Variants in CRTC1 observed in about 807,000 individuals in gnomAD.
CRTC1 encodes the protein CREB-regulated transcription coactivator 1.
Under a neutral mutation model 66.1 loss-of-function variants are expected in CRTC1, and 18 were observed. The observed-to-expected ratio is 0.27, with a 90% CI of 0.19 to 0.40. The LOEUF (loss-of-function observed/expected upper bound fraction) is 0.40, where lower values mean the gene tolerates loss of function less well. Among genes scored for constraint, CRTC1 ranks in the 10% least tolerant of loss-of-function variants. CRTC1 has a pLI of 1.00. For synonymous variants in CRTC1, 416 were observed against 398.8 expected (o/e 1.04, Z -0.51); for missense variants, 669 against 887.9 (o/e 0.75, Z 3.13).
chr19:18,708,235 A>C (rs4808149), intron 1 of CRTC1, among the ~76,000 whole-genome samples: 9 of 151,814 alleles, frequency 5.9e-5, no homozygotes, highest in Non-Finnish European at 1.3e-4. Flanking sequence ...GCCAAGCTGG[A>C]GAGCTTGGAC....
chr19:18,694,561 T>G (rs1265253723), intron 1 of CRTC1, among the ~76,000 whole-genome samples: 1 of 152,106 alleles, frequency 6.6e-6, no homozygotes, highest in Non-Finnish European at 1.5e-5. Context: ...GCCCCCTGAG[T>G]AGCTGGGACC....
intron 7 of CRTC1, 147 bp downstream of exon 7, chr19:18,759,738 C>A (rs1568530691): frequency 1.1e-6 from 1 of 925,950 alleles, no homozygotes; most frequent in Non-Finnish European, 1.6e-6. Context: ...CCCCCACATG[C>A]CCACCCCTCA....
intron 1 of CRTC1, among the ~76,000 whole-genome samples, chr19:18,714,773 A>AC (rs1377455557): frequency 2.6e-5 from 4 of 151,628 alleles, no homozygotes; most frequent in African/African-American, 4.9e-5. Context: ...AATGTTGATG[A>AC]CCCCCGGGGA....
At chr19:18,696,712 C>G (rs2052996921) in intron 1 of CRTC1, among the ~76,000 whole-genome samples, 1 of 152,126 alleles carries the variant, frequency 6.6e-6, no homozygotes, top group Non-Finnish European at 1.5e-5. Flanking sequence ...AGTGCATGTA[C>G]TGGGGGAGTG....
chr19:18,753,140 G>A (rs1262490279), intron 5 of CRTC1, among the ~76,000 whole-genome samples: 3 of 151,928 alleles, frequency 2.0e-5, no homozygotes, highest in South Asian at 2.1e-4. Context: ...GCCTGGCATC[G>A]TGGCGGGCAC....
At chr19:18,700,399 C>G (rs1033746519) in intron 1 of CRTC1, among the ~76,000 whole-genome samples, 1 of 152,172 alleles carries the variant, frequency 6.6e-6, no homozygotes, top group Admixed American at 6.5e-5. Flanking sequence ...TGGGGGCTCT[C>G]GGCAAGGGGG....
Position 18,777,555 on chromosome 19 carries a change from G to A in CRTC1, c.*173G>A, listed in dbSNP as rs917477386. On this transcript the variant is annotated 3_prime_UTR_variant, in exon 14 of 14. Coordinates refer to ENST00000321949, the MANE Select transcript of CRTC1 (RefSeq NM_015321.3). This position sits in a 1 kb window ranked among gnomAD's most constrained non-coding sequence, Gnocchi z 5.5. ...TGTCCACCTCCCGCGAAGCCCAATC[G>A]CGAGGCCGCGAGCCGGGCCGTCCAC... 1.8e-5 allele frequency: 11 copies of A among 613,576 alleles called. No homozygotes were observed. Among genetic ancestry groups the A allele is most frequent in the Admixed American group, 6.3e-5 (2 of 31,942 alleles). 38.0% of individuals were successfully genotyped at this position (613,576 alleles called of 1,614,324 possible). A position where few individuals can be genotyped will look rare whatever the true frequency, so the allele number is the denominator to read the frequency against.
intron 1 of CRTC1, among the ~76,000 whole-genome samples, chr19:18,685,988 G>A (rs1397677364): frequency 6.6e-6 from 1 of 152,098 alleles, no homozygotes; most frequent in African/African-American, 2.4e-5. Flanking sequence ...GTACAGTTTG[G>A]TGGTTTTTAG....
chr19:18,684,924 G>C (rs1366342602), intron 1 of CRTC1, among the ~76,000 whole-genome samples: 4 of 152,142 alleles, frequency 2.6e-5, no homozygotes, highest in African/African-American at 9.7e-5. Context: ...CTTGGGGCAG[G>C]GTGGTGAGCA....
At chr19:18,729,843 G>A (rs2053846274) in intron 1 of CRTC1, among the ~76,000 whole-genome samples, 1 of 152,174 alleles carries the variant, frequency 6.6e-6, no homozygotes, top group African/African-American at 2.4e-5. Context: ...CAGAGGTGGT[G>A]TCCACACTCC....
Position 18,683,840 on chromosome 19 carries a change from G to T in CRTC1, c.126+12G>T. On this transcript the variant is annotated intron_variant, in intron 1 of 13. Coordinates refer to ENST00000321949, the MANE Select transcript of CRTC1 (RefSeq NM_015321.3). ...CGCGGGCCGCGCGGGTAAGGGGGCT[G>T]CCCGCGCCGACCCTTCAGGGCCGGC... The T allele has an allele frequency of 1.6e-6, 2 of 1,233,692 alleles. No homozygotes were observed. Among genetic ancestry groups the T allele is most frequent in the Non-Finnish European group, 2.1e-6 (2 of 956,374 alleles). 76.4% of individuals were successfully genotyped at this position (1,233,692 alleles called of 1,614,324 possible). A position where few individuals can be genotyped will look rare whatever the true frequency, so the allele number is the denominator to read the frequency against.
At chr19:18,762,434 C>T (rs1445297588) in intron 8 of CRTC1, among the ~76,000 whole-genome samples, 1 of 152,236 alleles carries the variant, frequency 6.6e-6, no homozygotes, top group African/African-American at 2.4e-5. Context: ...CCCTGGCACA[C>T]ACGAAGGTGG....
At chr19:18,726,315 G>A (rs778700578) in intron 1 of CRTC1, among the ~76,000 whole-genome samples, 1 of 152,184 alleles carries the variant, frequency 6.6e-6, no homozygotes, top group Non-Finnish European at 1.5e-5. Flanking sequence ...TTCACCCCTC[G>A]GTCCCCGGGG....
intron 1 of CRTC1, among the ~76,000 whole-genome samples, chr19:18,734,748 G>C (rs2053962190): frequency 6.6e-6 from 1 of 152,184 alleles, no homozygotes; most frequent in Admixed American, 6.5e-5. Context: ...TCCAAGCTGT[G>C]TTCCCACACA....
rs551285080 is a variant in CRTC1 at position 18,758,676 on chromosome 19, A to C, written c.625-875A>C. 2.0e-5 allele frequency among the ~76,000 whole-genome samples: 3 copies of C among 152,346 alleles called. No individual in the cohort carries two copies. The South Asian group carries it at 6.2e-4, about 32-fold the overall frequency. The stretch of plus-strand genomic sequence containing the variant: ...AGTCACATGTCTAGGTCTCTGCTGC[A>C]AAGCTGGTCAGCCCCAAGACAGGGG... On this transcript the variant is annotated intron_variant, in intron 6 of 13. Coordinates refer to ENST00000321949, the MANE Select transcript of CRTC1 (RefSeq NM_015321.3).
In CRTC1 at chr19:18,771,357, T is replaced by C; in HGVS notation, c.1321-85T>C. The C allele has an allele frequency of 8.4e-7, 1 of 1,183,750 alleles. No homozygotes were observed. The highest frequency in any genetic ancestry group is 1.2e-6 in the Non-Finnish European group (1 of 836,864). 73.3% of individuals were successfully genotyped at this position (1,183,750 alleles called of 1,614,324 possible). On this transcript the variant is annotated intron_variant, in intron 10 of 13. Transcript: ENST00000321949. This position sits in a 1 kb window ranked among gnomAD's most constrained non-coding sequence, Gnocchi z 4.6. ...GGGGCGGGGGGACCTGCCTGGGGGC[T>C]GATCAGGCTGCTCCCGGGAAGCAGG...
chr19:18,702,047 C>T (rs1052919853), intron 1 of CRTC1, among the ~76,000 whole-genome samples: 1 of 151,726 alleles, frequency 6.6e-6, no homozygotes, highest in Non-Finnish European at 1.5e-5. Context: ...TCTCAGCCTC[C>T]CGAGTAGCTG....
intron 5 of CRTC1, 22 bp from the exon 6 acceptor site, chr19:18,753,478 T>C (rs1268259962): frequency 6.4e-7 from 1 of 1,568,566 alleles, no homozygotes; most frequent in Non-Finnish European, 8.7e-7. Flanking sequence ...TGATTCTCCT[T>C]CTCCCCCTCC....
intron 4 of CRTC1, 56 bp downstream of exon 4, chr19:18,747,170 T>C: frequency 8.9e-7 from 1 of 1,125,618 alleles, no homozygotes. Context: ...AAAACCAAAC[T>C]CTCATCATGG....
Sources: allele counts gnomAD v4.1 joint callset (sites outside exome capture counted in the v4.1 genomes callset), GRCh38; gene constraint gnomAD v4.1.1; non-coding constraint Gnocchi (gnomAD v3.1); transcripts MANE v1.5; gene names NCBI Gene and HGNC (gene_info 2026-07-23, HGNC 2026-07-21).